LINGO2: variants seen among roughly 807,000 people sequenced by gnomAD.
The protein encoded by LINGO2 is leucine rich repeat and Ig domain containing 2.
A neutral mutation model predicts 30.6 loss-of-function variants in LINGO2; 14 were observed. That is an observed-to-expected ratio of 0.46 (90% CI 0.30 to 0.72). The LOEUF (loss-of-function observed/expected upper bound fraction) is 0.72. Ranked by LOEUF, LINGO2 falls within the 30% of genes least tolerant of loss-of-function variation. The probability of loss-of-function intolerance (pLI) is 0.07; values close to 1 mark genes in which losing one functional copy is unlikely to be tolerated. For missense variants in LINGO2, 729 were observed against 751.7 expected (o/e 0.97, Z 0.35); for synonymous variants, 317 against 288.5 (o/e 1.10, Z -1.00).
At chr9:28,256,217 T>C (rs373321655) in intron 4 of LINGO2, among the ~76,000 whole-genome samples, 26 of 152,026 alleles carry the variant, frequency 1.7e-4, no homozygotes, top group African/African-American at 5.3e-4. Context: ...TTTATTTCCT[T>C]AATGCTCATA....
At chr9:28,441,666 T>C (rs922312903) in intron 2 of LINGO2, among the ~76,000 whole-genome samples, 9 of 152,174 alleles carry the variant, frequency 5.9e-5, no homozygotes, top group African/African-American at 1.9e-4. Context: ...TTTTACATCA[T>C]GCATTTATAG....
rs765091402 is a variant in LINGO2 at position 28,189,681 on chromosome 9, AAGGG to A, written c.-87+105523_-87+105526del. The stretch of plus-strand genomic sequence containing the variant: ...GAAGGAAGGAAGGGAGGAAGGAAGG[AAGGG>A]AGGAAGGAAGGGAGGGAGGAAGGAA... On this transcript the variant is annotated intron_variant, in intron 4 of 5. Transcript: ENST00000379992. 2.2e-3 allele frequency among the ~76,000 whole-genome samples: 32 copies of A among 14,792 alleles called. 1 individual carries two copies. The East Asian group carries it at 0.045, about 21-fold the overall frequency. The allele number at this position is 14,792 out of a possible 152,430, so 9.7% of individuals were successfully genotyped here. A position where few individuals can be genotyped will look rare whatever the true frequency, so the allele number is the denominator to read the frequency against.
the LINGO2 span, among the ~76,000 whole-genome samples, chr9:28,939,831 C>T: frequency 1.3e-5 from 2 of 152,050 alleles, no homozygotes; most frequent in Non-Finnish European, 2.9e-5. Context: ...TCCCTCTGAG[C>T]CAAAAGGTGG....
chr9:29,013,783 T>C, the LINGO2 span, among the ~76,000 whole-genome samples: 1 of 152,258 alleles, frequency 6.6e-6, no homozygotes, highest in African/African-American at 2.4e-5. Context: ...GATTTCAACA[T>C]CTTATATGGA....
At chr9:28,565,283 G>T (rs137926502) in intron 1 of LINGO2, among the ~76,000 whole-genome samples, 2,647 of 151,798 alleles carry the variant, frequency 0.017, 71 homozygotes, top group African/African-American at 0.059. Context: ...CGCCTCCTGG[G>T]TTCATGCCAT....
chr9:28,514,270 G>A (rs963569728), intron 1 of LINGO2, among the ~76,000 whole-genome samples: 25 of 151,984 alleles, frequency 1.6e-4, no homozygotes, highest in Admixed American at 1.0e-3. Flanking sequence ...GCTTCTAAGT[G>A]TTCAAGTGAA....
chr9:28,862,032 A>G, the LINGO2 span, among the ~76,000 whole-genome samples: 1 of 152,142 alleles, frequency 6.6e-6, no homozygotes, highest in Non-Finnish European at 1.5e-5. Flanking sequence ...TATTATCATT[A>G]AAAACATAAG....
At chr9:28,200,856 C>T (rs1820204874) in intron 4 of LINGO2, among the ~76,000 whole-genome samples, 1 of 152,150 alleles carries the variant, frequency 6.6e-6, no homozygotes, top group Non-Finnish European at 1.5e-5. Flanking sequence ...TGGTTAAAAA[C>T]AGTGGATCCC....
the LINGO2 span, among the ~76,000 whole-genome samples, chr9:28,828,463 T>C: frequency 6.6e-6 from 1 of 152,200 alleles, no homozygotes; most frequent in African/African-American, 2.4e-5. Context: ...ACAACTATAA[T>C]GTGATATGAA....
intron 5 of LINGO2, among the ~76,000 whole-genome samples, chr9:27,992,320 C>T (rs1052730499): frequency 6.6e-6 from 1 of 152,034 alleles, no homozygotes; most frequent in African/African-American, 2.4e-5. Context: ...CCATGTAAAA[C>T]GTAGCCATAG....
chr9:28,074,154 C>T (rs1467089448), intron 4 of LINGO2, among the ~76,000 whole-genome samples: 1 of 152,160 alleles, frequency 6.6e-6, no homozygotes, highest in Non-Finnish European at 1.5e-5. Context: ...GCAATGACAA[C>T]TGCAGCACAA....
chr9:28,190,137 T>C (rs1185264476), intron 4 of LINGO2, among the ~76,000 whole-genome samples: 5 of 152,270 alleles, frequency 3.3e-5, no homozygotes, highest in Middle Eastern at 3.4e-3. Context: ...TTTCCTTAGC[T>C]CCATAGTAAT....
upstream of LINGO2, among the ~76,000 whole-genome samples, chr9:28,672,014 G>A (rs529566101): frequency 9.9e-5 from 15 of 151,948 alleles, no homozygotes; most frequent in South Asian, 2.1e-4. Context: ...TCTTTTGTTC[G>A]GAGGTATTAT....
At chr9:28,815,531 A>G in the LINGO2 span, among the ~76,000 whole-genome samples, 292 of 152,344 alleles carry the variant, frequency 1.9e-3, 1 homozygote, top group African/African-American at 6.7e-3. Context: ...CTCAATCTGC[A>G]TACATGTTTG....
chr9:28,002,094 A>G (rs1360105123), intron 5 of LINGO2, among the ~76,000 whole-genome samples: 1 of 152,246 alleles, frequency 6.6e-6, no homozygotes, highest in African/African-American at 2.4e-5. Context: ...ACCTAGACCG[A>G]TCAATCAGAT....
At chr9:28,921,245 G>C in the LINGO2 span, among the ~76,000 whole-genome samples, 1 of 152,132 alleles carries the variant, frequency 6.6e-6, no homozygotes, top group Non-Finnish European at 1.5e-5. Context: ...ATAAGGCACT[G>C]ACTATCCAGA....
intron 1 of LINGO2, among the ~76,000 whole-genome samples, chr9:28,581,565 A>C (rs1180155850): frequency 1.3e-5 from 2 of 151,650 alleles, no homozygotes; most frequent in Non-Finnish European, 2.9e-5. Flanking sequence ...TAAGTCTGAA[A>C]GGAAAACTTA....
chr9:28,998,271 C>A, the LINGO2 span, among the ~76,000 whole-genome samples: 1 of 152,134 alleles, frequency 6.6e-6, no homozygotes, highest in African/African-American at 2.4e-5. Context: ...ATCATGCTAT[C>A]TTTCAAGCCC....
intron 4 of LINGO2, among the ~76,000 whole-genome samples, chr9:28,045,375 A>G (rs948368656): frequency 1.3e-5 from 2 of 152,188 alleles, no homozygotes; most frequent in African/African-American, 4.8e-5. Flanking sequence ...ATGAATTGTC[A>G]AGTTTTCCGA....
Sources: gnomAD v4.1 joint callset for allele counts (sites outside exome capture counted in the v4.1 genomes callset) on GRCh38, gnomAD v4.1.1 for gene constraint, MANE v1.5 for transcripts, NCBI Gene and HGNC (gene_info 2026-07-23, HGNC 2026-07-21) for gene names.